SLC12A1: variants seen among roughly 807,000 people sequenced by gnomAD.
The protein encoded by SLC12A1 is Na-K-2Cl cotransporter.
Under a neutral mutation model 130.4 loss-of-function variants are expected in SLC12A1, and 89 were observed. That is an observed-to-expected ratio of 0.68 (90% CI 0.58 to 0.81). The LOEUF (loss-of-function observed/expected upper bound fraction) is 0.81. Ranked by LOEUF, SLC12A1 falls within the 40% of genes least tolerant of loss-of-function variation. SLC12A1 has a pLI of 0.00. For missense variants in SLC12A1, 1,310 were observed against 1,336.4 expected (o/e 0.98, Z 0.31); for synonymous variants, 499 against 460.0 (o/e 1.08, Z -1.09).
At chr15:48,274,190 G>A (rs2041927012) in intron 19 of SLC12A1, among the ~76,000 whole-genome samples, 1 of 152,080 alleles carries the variant, frequency 6.6e-6, no homozygotes, top group African/African-American at 2.4e-5. Flanking sequence ...GGTTGGGGGT[G>A]GTGGCTAATC....
intron 15 of SLC12A1, among the ~76,000 whole-genome samples, chr15:48,253,809 G>T (rs560400716): frequency 6.6e-6 from 1 of 152,294 alleles, no homozygotes; most frequent in African/African-American, 2.4e-5. Flanking sequence ...TGCTCCACGT[G>T]TTTGTCAGCA....
rs763999494 is a variant in SLC12A1, at chr15:48,302,790, T to C, written c.3205T>C (p.Leu1069=). ...AAGAAAGGGATCCATATCGGATTTG[T>C]TGTATATGGCTTGGTTGGAAATCCT... ...VARKGSISDL[L]YMAWLEILTK... is the part of the protein sequence containing the mutation. Residue 1069 remains leucine, a synonymous_variant, in exon 27 of 27, where the codon TTG becomes CTG. Transcript: ENST00000380993. 3.1e-6 allele frequency: 5 copies of C among 1,613,614 alleles called. No individual in the cohort carries two copies. In the South Asian group the frequency reaches 4.4e-5, roughly 14 times the overall value.
At position 48,284,237 on chromosome 15, in the gene SLC12A1, T is replaced by G. The variant is rs144429317; in HGVS notation, c.2486-869T>G. ...AAGTTATTTTGCTTATTGAAAGGAATTGGTGGTGGATATTTTCCATTGTAA... is the reference window on the plus strand; with the variant it reads ...AAGTTATTTTGCTTATTGAAAGGAAGTGGTGGTGGATATTTTCCATTGTAA... On this transcript the variant is annotated intron_variant, in intron 20 of 26. Coordinates refer to ENST00000380993, the MANE Select transcript of SLC12A1 (RefSeq NM_000338.3). 3.9e-5 allele frequency among the ~76,000 whole-genome samples: 6 copies of G among 152,352 alleles called. No individual in the cohort carries two copies. In the East Asian group the frequency reaches 1.2e-3, roughly 29 times the overall value.
At chr15:48,225,433 A>G (rs2041272218) in intron 4 of SLC12A1, 1 of 152,130 alleles carries the variant, frequency 6.6e-6, no homozygotes, top group Non-Finnish European at 1.5e-5. Context: ...AACTTCTCCA[A>G]AGATGGAATT....
chr15:48,250,673 G>GA (rs761365090), intron 14 of SLC12A1, among the ~76,000 whole-genome samples: 17,853 of 69,364 alleles, frequency 0.26, 1,249 homozygotes, highest in Admixed American at 0.34. Flanking sequence ...GAAAATGTCT[G>GA]CCTCACACAC....
chr15:48,289,394 C>CATATAT lies in SLC12A1; in HGVS notation c.2873+908_2873+913dup, dbSNP rs10609887. Among the ~76,000 whole-genome samples the CATATAT allele has an allele frequency of 8.0e-4, 90 of 112,850 alleles. 1 individual carries two copies. Among genetic ancestry groups the CATATAT allele is most frequent in the African/African-American group, 2.8e-3 (74 of 26,404 alleles). 74.0% of individuals were successfully genotyped at this position (112,850 alleles called of 152,430 possible). On this transcript the variant is annotated intron_variant, in intron 23 of 26. Coordinates refer to ENST00000380993, the MANE Select transcript of SLC12A1 (RefSeq NM_000338.3). ...AGGATGTATTATGCTGTGAATGTGA[C>CATATAT]ATATATATATATATATATATATATA...
chr15:48,298,312 T>A (rs1386054224), intron 24 of SLC12A1, among the ~76,000 whole-genome samples: 2 of 152,216 alleles, frequency 1.3e-5, no homozygotes, highest in African/African-American at 4.8e-5. Flanking sequence ...AAATTATAAG[T>A]TTTACTTTGT....
chr15:48,237,693 T>C (rs760708791), intron 9 of SLC12A1, among the ~76,000 whole-genome samples: 1 of 152,230 alleles, frequency 6.6e-6, no homozygotes, highest in Non-Finnish European at 1.5e-5. Flanking sequence ...CTATATACTA[T>C]ATACTTTTAC....
In SLC12A1 at chr15:48,232,832, T is replaced by A; in HGVS notation, c.1081T>A (p.Tyr361Asn). The A allele has an allele frequency of 1.3e-6, 2 of 1,579,468 alleles. No homozygotes were observed. The highest frequency in any genetic ancestry group is 1.7e-6 in the Non-Finnish European group (2 of 1,148,994). Residue 361 changes from tyrosine (Y) to asparagine (N), a missense_variant, in exon 8 of 27, where the codon TAC (tyrosine) becomes AAC (asparagine). By Grantham distance (143) the Tyr-to-Asn change is moderately radical (BLOSUM62 -2). Transcript: ENST00000380993. ...GAAAAAGTCCAGAGGTTTCTTTAATTACCAAGGTACATGGAATAAATTGGT... is the reference window on the plus strand; with the variant it reads ...GAAAAAGTCCAGAGGTTTCTTTAATAACCAAGGTACATGGAATAAATTGGT... ...NEKKSRGFFN[Y>N]QASIFAENFG...
At chr15:48,263,512 A>C (rs959886312) in intron 17 of SLC12A1, among the ~76,000 whole-genome samples, 1 of 152,114 alleles carries the variant, frequency 6.6e-6, no homozygotes, top group East Asian at 1.9e-4. Flanking sequence ...ATAGATCAAA[A>C]TCGTTTGATA....
Position 48,288,035 on chromosome 15 carries a change from C to T in SLC12A1, c.2630-8C>T, listed in dbSNP as rs200182388. ...CAAACAGATGCATCAATTCCTCTTT[C>T]GTTTCAGATGGCAGCATTAACACAA... On this transcript the variant is annotated splice_polypyrimidine_tract_variant and splice_region_variant and intron_variant, in intron 21 of 26. Transcript: ENST00000380993. The T allele has an allele frequency of 4.7e-5, 75 of 1,605,594 alleles. No homozygotes were observed. The East Asian group carries it at 1.3e-3, about 28-fold the overall frequency.
At chr15:48,234,432 A>C (rs926980186) in intron 8 of SLC12A1, among the ~76,000 whole-genome samples, 3 of 152,180 alleles carry the variant, frequency 2.0e-5, no homozygotes, top group Non-Finnish European at 2.9e-5. Context: ...CACATCTTCA[A>C]GTTCATTCCA....
chr15:48,229,250 G>A lies in SLC12A1; in HGVS notation c.786G>A (p.Leu262=), dbSNP rs2041336235. ...CCGAGTTCGGTGGGTCAATAGGCCTGATCTTTGCTTTTGCTAATGCAGTGG... is the reference window on the plus strand; with the variant it reads ...CCGAGTTCGGTGGGTCAATAGGCCTAATCTTTGCTTTTGCTAATGCAGTGG... ...LGPEFGGSIG[L]IFAFANAVAV... Residue 262 remains leucine (L), a synonymous_variant, in exon 6 of 27, where the codon CTG becomes CTA. Transcript: ENST00000380993. 1.3e-6 allele frequency: 2 copies of A among 1,599,572 alleles called. No homozygotes were observed. The highest frequency in any genetic ancestry group is 1.7e-6 in the Non-Finnish European group (2 of 1,172,546).
At position 48,234,981 on chromosome 15, in the gene SLC12A1, G is replaced by A. The variant is rs752884319; in HGVS notation, c.1192G>A (p.Ala398Thr). 5.0e-6 allele frequency: 8 copies of A among 1,613,712 alleles called. No homozygotes were observed. In the South Asian group the frequency reaches 5.5e-5, roughly 11 times the overall value. The change falls in exon 9 of 27, where the codon GCC (alanine) becomes ACC (threonine). Residue 398 changes from alanine to threonine, a missense_variant. Transcript: ENST00000380993. ...FPAATGILAG[A>T]NISGDLEDPQ... The stretch of plus-strand genomic sequence containing the variant: ...AGCAGCTACTGGGATTCTTGCTGGT[G>A]CCAATATCTCAGGAGATTTGGAGGT...
At chr15:48,247,303 T>A (rs753113128) in intron 12 of SLC12A1, 34 bp from the exon 13 acceptor site, 1 of 1,593,572 alleles carries the variant, frequency 6.3e-7, no homozygotes, top group East Asian at 2.2e-5. Flanking sequence ...TGCATAGCTA[T>A]AAATGACAAA....
At chr15:48,216,801 T>C (rs572122453) in intron 2 of SLC12A1, among the ~76,000 whole-genome samples, 1 of 152,306 alleles carries the variant, frequency 6.6e-6, no homozygotes, top group Admixed American at 6.5e-5. Flanking sequence ...ATGAAAAAAA[T>C]GAAAGTTACA....
chr15:48,221,054 A>T (rs1000389225), intron 4 of SLC12A1, 58 bp downstream of exon 4: 2 of 1,460,278 alleles, frequency 1.4e-6, no homozygotes, highest in African/African-American at 2.8e-5. Flanking sequence ...TCAATAAGCA[A>T]TCTTTTTTCA....
intron 11 of SLC12A1, among the ~76,000 whole-genome samples, chr15:48,246,547 G>A (rs2041582353): frequency 6.6e-6 from 1 of 152,216 alleles, no homozygotes; most frequent in Non-Finnish European, 1.5e-5. Flanking sequence ...TTGAGAGGCT[G>A]AGGTGGGCGG....
At chr15:48,251,266 C>G (rs747055870) in intron 14 of SLC12A1, among the ~76,000 whole-genome samples, 18 of 151,858 alleles carry the variant, frequency 1.2e-4, no homozygotes, top group Non-Finnish European at 2.1e-4. Flanking sequence ...AGATCCCACT[C>G]TTTCCATTCC....
Sources: gnomAD v4.1 joint callset for allele counts (sites outside exome capture counted in the v4.1 genomes callset) on GRCh38, gnomAD v4.1.1 for gene constraint, MANE v1.5 for transcripts, NCBI Gene and HGNC (gene_info 2026-07-23, HGNC 2026-07-21) for gene names.